PP2D1: variants seen among roughly 807,000 people sequenced by gnomAD.
PP2D1 encodes protein phosphatase 2C-like domain-containing protein 1.
A neutral mutation model predicts 30.2 loss-of-function variants in PP2D1; 25 were observed. The observed-to-expected ratio is 0.83, with a 90% CI of 0.60 to 1.16. The LOEUF is 1.16. PP2D1 is among the 50% of genes most tolerant of loss of function. The pLI, the probability that PP2D1 is intolerant of heterozygous loss-of-function variation, is 0.00. For missense variants in PP2D1, 760 were observed against 742.4 expected (o/e 1.02, Z -0.28); for synonymous variants, 260 against 258.9 (o/e 1.00, Z -0.04).
At chr3:20,011,840 T>C (rs2125149825) in intron 1 of PP2D1, among the ~76,000 whole-genome samples, 1 of 147,910 alleles carries the variant, frequency 6.8e-6, no homozygotes, top group South Asian at 2.1e-4. Flanking sequence ...AATTAATTAA[T>C]TAACTATAAA....
chr3:19,986,117 G>T lies in PP2D1; in HGVS notation c.1156C>A (p.Arg386=), dbSNP rs781377193. 7.8e-6 allele frequency: 12 copies of T among 1,535,320 alleles called. No homozygotes were observed. Among genetic ancestry groups the T allele is most frequent in the South Asian group, 2.4e-5 (2 of 83,874 alleles). The change falls in exon 3 of 3, where the codon CGA becomes AGA. Residue 386 remains arginine, a synonymous_variant. Coordinates refer to ENST00000389050, the MANE Select transcript of PP2D1 (RefSeq NM_001252657.2). ...ATTCTTCTTCTTTCATTTGTGTTTC[G>T]TGTAGTATGTTCTTTGGTTAGGCAA... ...GFCLTKEHTT[R]NTNERRRILQ...
At chr3:20,003,183 C>G (rs1415181956) in intron 1 of PP2D1, among the ~76,000 whole-genome samples, 2 of 151,768 alleles carry the variant, frequency 1.3e-5, no homozygotes, top group East Asian at 3.9e-4. Flanking sequence ...TTAGAGTGAA[C>G]TCCTTATATT....
At chr3:20,006,951 GTATATATATATACATATA>G (rs1287602002) in intron 1 of PP2D1, among the ~76,000 whole-genome samples, 7 of 149,538 alleles carry the variant, frequency 4.7e-5, no homozygotes, top group Non-Finnish European at 8.9e-5. Flanking sequence ...ACGTATGTGT[GTATATATATATACATATA>G]TATACACACA....
At chr3:20,008,248 CT>C (rs1697345746) in intron 1 of PP2D1, 1 of 156,306 alleles carries the variant, frequency 6.4e-6, no homozygotes. Context: ...CCACAGCCAT[CT>C]TTCTCCTACG....
chr3:20,011,521 G>A (rs1014531156), intron 1 of PP2D1, among the ~76,000 whole-genome samples: 1 of 152,026 alleles, frequency 6.6e-6, no homozygotes, highest in Non-Finnish European at 1.5e-5. Flanking sequence ...TAAATAGGCC[G>A]GGCACAGTGG....
Position 19,985,662 on chromosome 3 carries a change from T to A in PP2D1, c.1611A>T (p.Ser537=). The A allele has an allele frequency of 1.3e-6, 2 of 1,535,976 alleles. No individual in the cohort carries two copies. The highest frequency in any genetic ancestry group is 8.7e-7 in the Non-Finnish European group (1 of 1,146,730). The change falls in exon 3 of 3, where the codon TCA becomes TCT. Residue 537 remains serine, a synonymous_variant. Transcript: ENST00000389050. ...TTNSKENLSD[S]NYSKYCIYNP... ...TATAAATACAGTATTTAGAATAGTT[T>A]GAATCGGATAAATTTTCTTTGGAAT...
intron 2 of PP2D1, among the ~76,000 whole-genome samples, chr3:19,989,390 A>G (rs1471183947): frequency 6.6e-6 from 1 of 152,212 alleles, no homozygotes; most frequent in Non-Finnish European, 1.5e-5. Context: ...TCTCATTTAT[A>G]TAATAGGAAT....
intron 1 of PP2D1, among the ~76,000 whole-genome samples, chr3:20,006,674 C>A (rs551795836): frequency 1.3e-5 from 2 of 152,072 alleles, no homozygotes; most frequent in Non-Finnish European, 2.9e-5. Context: ...GTTGGCCAAG[C>A]TGGTCTTGAA....
chr3:20,011,743 G>A (rs1277282645), intron 1 of PP2D1, among the ~76,000 whole-genome samples: 1 of 152,080 alleles, frequency 6.6e-6, no homozygotes, highest in African/African-American at 2.4e-5. Flanking sequence ...AGTTTGCAGT[G>A]AGCCGAGATC....
Position 20,002,116 on chromosome 3 carries a change from TA to T in PP2D1, c.24-21del. On this transcript the variant is annotated intron_variant, in intron 1 of 2. Coordinates refer to ENST00000389050, the MANE Select transcript of PP2D1 (RefSeq NM_001252657.2). ...AACACTCTGCAAACAGGATGAAAGA[TA>T]TTTACATGCCAGGATGATGCAGCGA... 2 of 1,469,470 alleles carry T rather than the reference TA, an allele frequency of 1.4e-6. No homozygotes were observed. The highest frequency in any genetic ancestry group is 3.5e-4 in the Middle Eastern group (2 of 5,784). The allele number at this position is 1,469,470 out of a possible 1,614,324, so 91.0% of individuals were successfully genotyped here.
downstream of PP2D1, chr3:19,984,276 A>G (rs1321690735): frequency 1.2e-5 from 5 of 429,934 alleles, no homozygotes; most frequent in Non-Finnish European, 2.3e-5. Context: ...TATTCAGGCA[A>G]ATGTTCATTT....
chr3:19,993,049 GAA>G (rs1485847247), intron 2 of PP2D1, among the ~76,000 whole-genome samples: 2 of 152,060 alleles, frequency 1.3e-5, no homozygotes, highest in African/African-American at 4.8e-5. Context: ...AAAAGAAAAA[GAA>G]AAAGAGTAAT....
At chr3:20,011,511 T>C (rs1160787360) in intron 1 of PP2D1, among the ~76,000 whole-genome samples, 3 of 152,000 alleles carry the variant, frequency 2.0e-5, no homozygotes, top group Admixed American at 2.0e-4. Flanking sequence ...AATAACAAAT[T>C]AAATAGGCCG....
At chr3:20,006,552 C>T (rs924122772) in intron 1 of PP2D1, among the ~76,000 whole-genome samples, 1 of 152,120 alleles carries the variant, frequency 6.6e-6, no homozygotes, top group African/African-American at 2.4e-5. Context: ...GCCTAGAACT[C>T]CTGGGCTCAA....
chr3:19,983,607 T>C, downstream of PP2D1: 1 of 774,730 alleles, frequency 1.3e-6, no homozygotes, highest in South Asian at 1.6e-5. Flanking sequence ...TATGATACTT[T>C]GGGGGTAACC....
downstream of PP2D1, chr3:19,983,714 A>G (rs1190693269): frequency 1.4e-5 from 22 of 1,602,248 alleles, no homozygotes; most frequent in Admixed American, 3.7e-4. Context: ...TCAGCTAAAA[A>G]ATTGCCAAAG....
intron 1 of PP2D1, among the ~76,000 whole-genome samples, chr3:20,011,549 A>G (rs1697386517): frequency 6.6e-6 from 1 of 152,148 alleles, no homozygotes; most frequent in African/African-American, 2.4e-5. Context: ...CTATAATCTC[A>G]GCACTTTGGG....
chr3:19,985,381 T>C lies in PP2D1; in HGVS notation c.1892A>G (p.Ter631=). The change falls in exon 3 of 3, where the codon TAA becomes TGA. Residue 631 remains the stop codon, a stop_retained_variant. Transcript: ENST00000389050. ...CTGGATAATTGGAACTTTATTTTTT[T>C]ATGTCAGAAGCTGATATTCACTTCC... ...LNGSEYQLLT[*] The C allele has an allele frequency of 6.6e-7, 1 of 1,516,170 alleles. No homozygotes were observed. The highest frequency in any genetic ancestry group is 8.8e-7 in the Non-Finnish European group (1 of 1,136,926). The allele number at this position is 1,516,170 out of a possible 1,614,324, so 93.9% of individuals were successfully genotyped here.
chr3:19,982,391 A>G (rs1341880168), downstream of PP2D1, among the ~76,000 whole-genome samples: 1 of 152,208 alleles, frequency 6.6e-6, no homozygotes, highest in Non-Finnish European at 1.5e-5. Context: ...TTCCTCCAGT[A>G]TGCTAAGTTT....
Sources: allele counts gnomAD v4.1 joint callset (sites outside exome capture counted in the v4.1 genomes callset), GRCh38; gene constraint gnomAD v4.1.1; transcripts MANE v1.5; gene names NCBI Gene and HGNC (gene_info 2026-07-23, HGNC 2026-07-21).